The following FCHO1 variants were observed in gnomAD, a reference collection of about 807,000 sequenced individuals.
FCHO1 encodes F-BAR domain only protein 1.
A neutral mutation model predicts 114.4 loss-of-function variants in FCHO1; 45 were observed. The observed-to-expected ratio is 0.39, with a 90% CI of 0.31 to 0.50. The LOEUF (loss-of-function observed/expected upper bound fraction) is 0.50. FCHO1 is among the 20% of genes least tolerant of loss of function. The probability of loss-of-function intolerance (pLI) is 0.77; values close to 1 mark genes in which losing one functional copy is unlikely to be tolerated. For synonymous variants in FCHO1, 480 were observed against 488.9 expected (o/e 0.98, Z 0.24); for missense variants, 1,042 against 1,209.6 (o/e 0.86, Z 2.06).
rs201051085 is a variant in FCHO1, at chr19:17,781,300, C to T, written c.1697C>T (p.Ser566Phe). The T allele has an allele frequency of 1.2e-6, 2 of 1,613,924 alleles. No individual in the cohort carries two copies. Among genetic ancestry groups the T allele is most frequent in the Non-Finnish European group, 1.7e-6 (2 of 1,179,954 alleles). ...GLAAPPRRLR[S>F]RKVSCPLTRS... ...GCAGCCCCACCCAGGAGACTTCGCT[C>T]TAGGAAGGTGTCCTGCCCTCTCACA... Residue 566 changes from serine to phenylalanine, a missense_variant, in exon 21 of 29, where the codon TCT becomes TTT. Ser to Phe is a radical substitution (Grantham distance 155, BLOSUM62 -2). Around this residue, in one of 3 missense-constraint regions of FCHO1, gnomAD observed 455 missense variants for 455.4 expected, o/e 1.00. Coordinates refer to ENST00000596536, the MANE Select transcript of FCHO1 (RefSeq NM_015122.3).
At position 17,784,187 on chromosome 19, in the gene FCHO1, G is replaced by A. The variant is rs767568110; in HGVS notation, c.2178G>A (p.Glu726=). ...ALTEALQRQA[E]QNPTASYYNV... is the part of the protein sequence containing the mutation. ...CCGAAGCCCTGCAGCGCCAGGCAGA[G>A]CAGAACCCCACTGCCTCCTACTACA... Residue 726 remains glutamate, a synonymous_variant, in exon 25 of 29, where the codon GAG becomes GAA. Transcript: ENST00000596536. The surrounding 1 kb of genome is among the most constrained non-coding windows in gnomAD (Gnocchi z 5.3). 1.1e-5 allele frequency: 18 copies of A among 1,613,744 alleles called. No individual in the cohort carries two copies. The Admixed American group carries it at 2.7e-4, about 24-fold the overall frequency.
intron 3 of FCHO1, chr19:17,754,911 T>C: frequency 1.9e-6 from 1 of 516,208 alleles, no homozygotes; most frequent in Non-Finnish European, 3.5e-6. Flanking sequence ...ATTGGGGGCA[T>C]CTGTGTCTTG....
chr19:17,787,394 G>A (rs375445441), intron 27 of FCHO1, among the ~76,000 whole-genome samples: 11 of 148,680 alleles, frequency 7.4e-5, no homozygotes, highest in African/African-American at 2.8e-4. Flanking sequence ...CTGGGCAACA[G>A]AGCCAGACCC....
rs146246404 is a variant in FCHO1, at chr19:17,760,009, C to T, written c.28-2753C>T. 2.3e-3 allele frequency among the ~76,000 whole-genome samples: 356 copies of T among 151,832 alleles called. 2 individuals carry two copies. The highest frequency in any genetic ancestry group is 8.2e-3 in the African/African-American group (340 of 41,402). ...TTAGCCATGATTTGAGGCATTCCTGCCTCATCCTGAAATATGTTGTGTCTC... is the reference window on the plus strand; with the variant it reads ...TTAGCCATGATTTGAGGCATTCCTGTCTCATCCTGAAATATGTTGTGTCTC... On this transcript the variant is annotated intron_variant, in intron 4 of 28. Coordinates refer to ENST00000596536, the MANE Select transcript of FCHO1 (RefSeq NM_015122.3).
rs1384982556 is a variant in FCHO1 at position 17,764,102 on chromosome 19, C to G, written c.120-273C>G. Among the ~76,000 whole-genome samples the G allele has an allele frequency of 4.0e-5, 6 of 151,462 alleles. No individual in the cohort carries two copies. In the South Asian group the frequency reaches 1.0e-3, roughly 26 times the overall value. ...TCACCCAAGCTGGAGTGCAGTGGCA[C>G]GATCTCAGCTCACCGCAACCTCCAC... On this transcript the variant is annotated intron_variant, in intron 5 of 28. Coordinates refer to ENST00000596536, the MANE Select transcript of FCHO1 (RefSeq NM_015122.3).
At chr19:17,785,414 G>C (rs977356096) in intron 26 of FCHO1, among the ~76,000 whole-genome samples, 9 of 151,998 alleles carry the variant, frequency 5.9e-5, no homozygotes, top group Non-Finnish European at 1.2e-4. Context: ...GTAGACATGA[G>C]GTTTCACCAT....
chr19:17,775,620 G>C lies in FCHO1; in HGVS notation c.1003+107G>C, dbSNP rs1489547584. 9.0e-7 allele frequency: 1 copy of C among 1,105,854 alleles called. No homozygotes were observed. The highest frequency in any genetic ancestry group is 2.4e-5 in the East Asian group (1 of 41,824). 68.5% of individuals were successfully genotyped at this position (1,105,854 alleles called of 1,614,324 possible). A position where few individuals can be genotyped will look rare whatever the true frequency, so the allele number is the denominator to read the frequency against. On this transcript the variant is annotated intron_variant, in intron 15 of 28. Transcript: ENST00000596536. This position sits in a 1 kb window ranked among gnomAD's most constrained non-coding sequence, Gnocchi z 5.1. Reference sequence around the variant, plus strand: ...GTCCTCTCTGTGTACATCCTGGAGAGAGTCTCCTTTGTGGATGAAGCCAAC... The same window carrying C: ...GTCCTCTCTGTGTACATCCTGGAGACAGTCTCCTTTGTGGATGAAGCCAAC...
At chr19:17,772,382 G>T in intron 9 of FCHO1, 75 bp from the exon 10 acceptor site, 2 of 1,075,472 alleles carry the variant, frequency 1.9e-6, no homozygotes, top group Non-Finnish European at 2.9e-6. Context: ...TATTCTGATT[G>T]GTCAGGCTGA....
chr19:17,765,183 G>A (rs2088361183), intron 6 of FCHO1, among the ~76,000 whole-genome samples: 1 of 152,130 alleles, frequency 6.6e-6, no homozygotes, highest in South Asian at 2.1e-4. Context: ...AAAGGGGCAG[G>A]CCATGGGGAT....
rs1236799249 is a variant in FCHO1 at position 17,778,736 on chromosome 19, C to A, written c.1479C>A (p.Val493=). The A allele has an allele frequency of 6.5e-7, 1 of 1,540,440 alleles. No individual in the cohort carries two copies. The change falls in exon 20 of 29, where the codon GTC becomes GTA. Residue 493 remains valine (V), a synonymous_variant. Transcript: ENST00000596536. The part of the protein sequence containing the change: ...AAPGPSPDSW[V]PRPGTPQSPP... ...CTGGCCCCTCCCCAGATTCCTGGGTCCCCCGCCCAGGCACCCCGCAGAGCC... is the reference window on the plus strand; with the variant it reads ...CTGGCCCCTCCCCAGATTCCTGGGTACCCCGCCCAGGCACCCCGCAGAGCC...
At chr19:17,786,536 C>T in intron 26 of FCHO1, 38 bp from the exon 27 acceptor site, 1 of 1,609,220 alleles carries the variant, frequency 6.2e-7, no homozygotes. Flanking sequence ...TCAGCATCCT[C>T]TCTGGGGAAG....
rs190091200 is a variant in FCHO1, at chr19:17,769,688, G to C, written c.337-737G>C. 3.8e-3 allele frequency among the ~76,000 whole-genome samples: 580 copies of C among 152,036 alleles called. 2 individuals carry two copies. The highest frequency in any genetic ancestry group is 0.013 in the African/African-American group (526 of 41,464). On this transcript the variant is annotated intron_variant, in intron 7 of 28. Transcript: ENST00000596536. ...ACTGTTTGTCATAAAACTTGGGTTA[G>C]AACAAGCATCTTTATCCATATGCGG...
Position 17,764,384 on chromosome 19 carries a change from C to G in FCHO1, c.129C>G (p.Ile43Met), listed in dbSNP as rs1279742516. Residue 43 changes from isoleucine to methionine, a missense_variant, in exon 6 of 29, where the codon ATC (isoleucine) becomes ATG (methionine). Transcript: ENST00000596536. Reference protein sequence around the residue: ...LADFIRERATIEETYSKAMAK... With the variant: ...LADFIRERATMEETYSKAMAK... ...TCATTCTCCTCCCCAGGGCCACCAT[C>G]GAGGAGACCTACTCGAAGGCGATGG... 6.2e-7 allele frequency: 1 copy of G among 1,613,724 alleles called. No individual in the cohort carries two copies. The highest frequency in any genetic ancestry group is 8.5e-7 in the Non-Finnish European group (1 of 1,179,952).
chr19:17,758,835 C>G (rs6512222), intron 4 of FCHO1: 1 of 152,058 alleles, frequency 6.6e-6, no homozygotes, highest in African/African-American at 2.4e-5. Flanking sequence ...CTAGCCAGGC[C>G]TGGTGTCACA....
At position 17,759,226 on chromosome 19, in the gene FCHO1, C is replaced by CTTTT. The variant is rs1473282318; in HGVS notation, c.28-3525_28-3522dup. 8.4e-4 allele frequency among the ~76,000 whole-genome samples: 89 copies of CTTTT among 105,912 alleles called. 4 individuals are homozygous for CTTTT. The highest frequency in any genetic ancestry group is 3.2e-3 in the African/African-American group (89 of 27,808). The allele number at this position is 105,912 out of a possible 152,430, so 69.5% of individuals were successfully genotyped here. On this transcript the variant is annotated intron_variant, in intron 4 of 28. Transcript: ENST00000596536. ...GTTCCCTCAGACCCCAGCTGATTAC[C>CTTTT]TTTTTTTTTTTTTTGAGACAGAGTC...
chr19:17,780,434 G>C (rs1404962676), intron 20 of FCHO1, among the ~76,000 whole-genome samples: 1 of 152,086 alleles, frequency 6.6e-6, no homozygotes, highest in Admixed American at 6.6e-5. Flanking sequence ...AAAGTGTTGA[G>C]ATTACAGGCG....
chr19:17,772,595 G>C (rs2091877228), intron 10 of FCHO1, 40 bp downstream of exon 10: 2 of 1,613,012 alleles, frequency 1.2e-6, no homozygotes. Context: ...TGGGGTCACT[G>C]CTGGGCAAAG....
intron 11 of FCHO1, among the ~76,000 whole-genome samples, 173 bp downstream of exon 11, chr19:17,772,914 C>T (rs1434001268): frequency 3.9e-5 from 6 of 152,090 alleles, no homozygotes; most frequent in Admixed American, 1.3e-4. Context: ...CTGCCTGCCT[C>T]GGCCTCCCAA....
At chr19:17,777,535 CAAAAAAAAAAAAAA>C (rs34293409) in intron 18 of FCHO1, among the ~76,000 whole-genome samples, 1 of 74,808 alleles carries the variant, frequency 1.3e-5, no homozygotes, top group African/African-American at 5.5e-5. Flanking sequence ...AACTCCGTCT[CAAAAAAAAAAAAAA>C]AAAAAAAAAA....
Sources: gnomAD v4.1 joint callset for allele counts (sites outside exome capture counted in the v4.1 genomes callset) on GRCh38, gnomAD v4.1.1 for gene constraint, gnomAD v4.1.1 regional missense constraint, Gnocchi (gnomAD v3.1) non-coding constraint, MANE v1.5 for transcripts, NCBI Gene and HGNC (gene_info 2026-07-23, HGNC 2026-07-21) for gene names.